ERCC6L: variants seen among roughly 807,000 people sequenced by gnomAD.
ERCC6L encodes DNA excision repair protein ERCC-6-like.
ERCC6L carries 7 observed loss-of-function variants against 20.1 expected under a neutral mutation model. That is an observed-to-expected ratio of 0.35 (90% CI 0.20 to 0.65). ERCC6L has a LOEUF of 0.65. Among genes scored for constraint, ERCC6L ranks in the 30% least tolerant of loss-of-function variants. The probability of loss-of-function intolerance (pLI) is 0.69; values close to 1 mark genes in which losing one functional copy is unlikely to be tolerated. For missense variants in ERCC6L, 592 were observed against 892.4 expected (o/e 0.66, Z 4.29); for synonymous variants, 278 against 331.3 (o/e 0.84, Z 1.75).
chrX:72,232,126 T>C (rs1359564478), intron 1 of ERCC6L, among the ~76,000 whole-genome samples: 1 of 109,932 alleles, frequency 9.1e-6, no homozygotes, highest in Non-Finnish European at 1.9e-5. Context: ...TATAATTATG[T>C]GTCAATTATA....
rs2043035254 is a variant in ERCC6L at position 72,238,993 on chromosome X, G to A, written c.-82C>T. On this transcript the variant is annotated 5_prime_UTR_variant, in exon 1 of 2. Coordinates refer to ENST00000334463, the MANE Select transcript of ERCC6L (RefSeq NM_017669.4). ...GCTTGGAGCTTGGAGCTTAGAGTTT[G>A]GAGCTTGAATTTCGCTCACTCCCGC... is the stretch of plus-strand genomic sequence containing the variant. 5.1e-6 allele frequency: 5 copies of A among 979,262 alleles called. No individual in the cohort carries two copies. The highest frequency in any genetic ancestry group is 7.0e-6 in the Non-Finnish European group (5 of 709,542). The allele number at this position is 979,262 out of a possible 1,213,427, so 80.7% of individuals were successfully genotyped here.
chrX:72,218,105 C>T (rs1395288481), intron 1 of ERCC6L, among the ~76,000 whole-genome samples: 11 of 109,755 alleles, frequency 1.0e-4, no homozygotes, highest in African/African-American at 3.6e-4. Context: ...CCTGTCTCTA[C>T]TAAAAATACA....
At chrX:72,222,850 C>T (rs2042932502) in intron 1 of ERCC6L, among the ~76,000 whole-genome samples, 1 of 106,212 alleles carries the variant, frequency 9.4e-6, no homozygotes, top group African/African-American at 3.4e-5. Context: ...CCCGCCTCGG[C>T]CTCCCAAAGT....
intron 1 of ERCC6L, among the ~76,000 whole-genome samples, chrX:72,233,110 T>C (rs1470761281): frequency 9.0e-5 from 10 of 111,653 alleles, no homozygotes; most frequent in African/African-American, 2.9e-4. Flanking sequence ...ACTGAACCCA[T>C]TGATCAACCT....
At chrX:72,232,713 G>A (rs752316604) in intron 1 of ERCC6L, among the ~76,000 whole-genome samples, 9 of 112,043 alleles carry the variant, frequency 8.0e-5, no homozygotes, top group African/African-American at 2.3e-4. Flanking sequence ...AGGAGGCTGA[G>A]GCAGGAGAAT....
intron 1 of ERCC6L, among the ~76,000 whole-genome samples, chrX:72,233,950 A>C (rs918432427): frequency 8.3e-5 from 9 of 108,303 alleles, no homozygotes; most frequent in African/African-American, 2.4e-4. Flanking sequence ...CCCCATACTA[A>C]AAATACAATA....
chrX:72,229,104 C>T (rs890917227), intron 1 of ERCC6L, among the ~76,000 whole-genome samples: 2 of 111,600 alleles, frequency 1.8e-5, no homozygotes, highest in Non-Finnish European at 3.8e-5. Context: ...CCTCAAGCCT[C>T]AAGACTCTCC....
rs762377624 is a variant in ERCC6L, at chrX:72,218,269, C to CAA, written c.69-9573_69-9572dup. Among the ~76,000 whole-genome samples, 127 of 61,238 alleles carry CAA rather than the reference C, an allele frequency of 2.1e-3. 4 individuals carry two copies. In the South Asian group the frequency reaches 0.097, roughly 47 times the overall value. The allele number at this position is 61,238 out of a possible 115,157, so 53.2% of individuals were successfully genotyped here. A position where few individuals can be genotyped will look rare whatever the true frequency, so the allele number is the denominator to read the frequency against. ...TGGGCGACAGAGCGAGACTCTGTCTCAAAAAAAAAAAAAAAATTAATAATA... is the reference window on the plus strand; with the variant it reads ...TGGGCGACAGAGCGAGACTCTGTCTCAAAAAAAAAAAAAAAAAATTAATAATA... On this transcript the variant is annotated intron_variant, in intron 1 of 1. Transcript: ENST00000334463.
rs373993536 is a variant in ERCC6L, at chrX:72,204,735, T to G, written c.*279A>C. On this transcript the variant is annotated 3_prime_UTR_variant, in exon 2 of 2. Coordinates refer to ENST00000334463, the MANE Select transcript of ERCC6L (RefSeq NM_017669.4). ...AAGATGATCACTTTCAGAGTAAAATTAAGAATGACCAGAATAATTTTACAA... is the reference window on the plus strand; with the variant it reads ...AAGATGATCACTTTCAGAGTAAAATGAAGAATGACCAGAATAATTTTACAA... The G allele has an allele frequency of 3.1e-5, 6 of 190,705 alleles. No individual in the cohort carries two copies. Among genetic ancestry groups the G allele is most frequent in the South Asian group, 1.8e-4 (1 of 5,426 alleles). 15.7% of individuals were successfully genotyped at this position (190,705 alleles called of 1,213,427 possible). A position where few individuals can be genotyped will look rare whatever the true frequency, so the allele number is the denominator to read the frequency against.
At chrX:72,234,579 CAA>C (rs1406480048) in intron 1 of ERCC6L, among the ~76,000 whole-genome samples, 1 of 110,419 alleles carries the variant, frequency 9.1e-6, no homozygotes, top group African/African-American at 3.3e-5. Context: ...AAAATAGGAT[CAA>C]GAGAGGATTT....
rs779502950 is a variant in ERCC6L, at chrX:72,208,298, T to C, written c.469A>G (p.Ile157Val). The stretch of plus-strand genomic sequence containing the variant: ...ATGAATTCTTTTACCCATGTGTTAA[T>C]AAGATTGGTTGGCATGATCAGCAGC... ...HVLLIMPTNL[I>V]NTWVKEFIKW... Residue 157 changes from isoleucine to valine, a missense_variant, in exon 2 of 2, where the codon ATT (isoleucine) becomes GTT (valine). By Grantham distance (29) the Ile-to-Val change is conservative. Coordinates refer to ENST00000334463, the MANE Select transcript of ERCC6L (RefSeq NM_017669.4). The C allele has an allele frequency of 6.6e-6, 8 of 1,210,316 alleles. No homozygotes were observed. In the South Asian group the frequency reaches 1.4e-4, roughly 21 times the overall value.
chrX:72,210,834 C>T (rs187890795), intron 1 of ERCC6L, among the ~76,000 whole-genome samples: 2 of 111,684 alleles, frequency 1.8e-5, no homozygotes, highest in Admixed American at 9.5e-5. Flanking sequence ...TGGGTTAAAC[C>T]GCTGCTGTGA....
chrX:72,210,120 T>C (rs1162642327), intron 1 of ERCC6L, among the ~76,000 whole-genome samples: 1 of 108,412 alleles, frequency 9.2e-6, no homozygotes, highest in Non-Finnish European at 1.9e-5. Flanking sequence ...ATCCCAGCAC[T>C]TTTGGGAGGC....
chrX:72,215,135 G>T (rs1008213557), intron 1 of ERCC6L, among the ~76,000 whole-genome samples: 6 of 112,269 alleles, frequency 5.3e-5, no homozygotes, highest in Non-Finnish European at 7.5e-5. Flanking sequence ...GCATAAAAGA[G>T]TAGCAACAGT....
rs746615702 is a variant in ERCC6L at position 72,220,802 on chromosome X, C to T, written c.69-12104G>A. Among the ~76,000 whole-genome samples, 5 of 111,977 alleles carry T rather than the reference C, an allele frequency of 4.5e-5. No homozygotes were observed. In the South Asian group the frequency reaches 1.9e-3, roughly 42 times the overall value. ...ACTCCTGACCAAAATTGGCCAGAAA[C>T]CCCTCTCAGGTTTTATCTAAAGTAA... On this transcript the variant is annotated intron_variant, in intron 1 of 1. Transcript: ENST00000334463.
chrX:72,227,066 G>A (rs2042957948), intron 1 of ERCC6L, among the ~76,000 whole-genome samples: 1 of 111,864 alleles, frequency 8.9e-6, no homozygotes, highest in African/African-American at 3.3e-5. Context: ...CACCTTCCAG[G>A]ACAGGACTGG....
intron 1 of ERCC6L, among the ~76,000 whole-genome samples, chrX:72,232,204 GA>G (rs1161090567): frequency 2.9e-5 from 3 of 103,489 alleles, no homozygotes; most frequent in Admixed American, 1.1e-4. Context: ...AAAAAAATGT[GA>G]AAGTTCTCAG....
Position 72,206,498 on chromosome X carries a change from G to A in ERCC6L, c.2269C>T (p.Leu757Phe). The A allele has an allele frequency of 8.3e-7, 1 of 1,211,653 alleles. No individual in the cohort carries two copies. Residue 757 changes from leucine (L) to phenylalanine (F), a missense_variant, in exon 2 of 2, where the codon CTT becomes TTT. Leu to Phe is a conservative substitution (Grantham distance 22). Around this residue, in one of 3 missense-constraint regions of ERCC6L, gnomAD observed 352 missense variants for 402.6 expected, o/e 0.87. Transcript: ENST00000334463. The part of the protein sequence containing the change: ...LNKPQPQPSP[L>F]LSTHHTQEED... Reference sequence around the variant, plus strand: ...TCCTGAGTATGATGAGTACTTAGAAGAGGTGAAGGCTGAGGCTGTGGTTTA... The same window carrying A: ...TCCTGAGTATGATGAGTACTTAGAAAAGGTGAAGGCTGAGGCTGTGGTTTA...
Position 72,238,833 on chromosome X carries a change from T to C in ERCC6L, c.68+11A>G. Reference sequence around the variant, plus strand: ...TCGGTTAGCTAGACCCGCCCAGCGGTCCAGACATACCTTAGGTAATGAGCA... The same window carrying C: ...TCGGTTAGCTAGACCCGCCCAGCGGCCCAGACATACCTTAGGTAATGAGCA... On this transcript the variant is annotated intron_variant, in intron 1 of 1. Coordinates refer to ENST00000334463, the MANE Select transcript of ERCC6L (RefSeq NM_017669.4). The C allele has an allele frequency of 8.5e-7, 1 of 1,183,170 alleles. No individual in the cohort carries two copies. Among genetic ancestry groups the C allele is most frequent in the Non-Finnish European group, 1.1e-6 (1 of 880,806 alleles).
Sources: gnomAD v4.1 joint callset for allele counts (sites outside exome capture counted in the v4.1 genomes callset) on GRCh38, gnomAD v4.1.1 for gene constraint, gnomAD v4.1.1 regional missense constraint, MANE v1.5 for transcripts, NCBI Gene and HGNC (gene_info 2026-07-23, HGNC 2026-07-21) for gene names.